RETREG3: variants seen among roughly 807,000 people sequenced by gnomAD.
RETREG3 encodes reticulophagy regulator family member 3, also known as reticulophagy regulator 3.
In RETREG3, 23 loss-of-function variants were observed where a neutral mutation model predicts 50.2. The observed-to-expected ratio is 0.46, with a 90% confidence interval of 0.33 to 0.65. The LOEUF is 0.65. RETREG3 is among the 30% of genes least tolerant of loss of function. The probability of loss-of-function intolerance (pLI) is 0.02; values close to 1 mark genes in which losing one functional copy is unlikely to be tolerated. For missense variants in RETREG3, 546 were observed against 598.0 expected, an observed-to-expected ratio of 0.91 and a Z score of 0.91; for synonymous variants, 240 against 234.4, an observed-to-expected ratio of 1.02 and a Z score of -0.22.
intron 6 of RETREG3, among the ~76,000 whole-genome samples, chr17:42,583,819 T>C (rs1195082989): frequency 3.9e-5 from 6 of 152,138 alleles, no homozygotes; most frequent in Non-Finnish European, 7.4e-5. Flanking sequence ...ATTTCTTTTT[T>C]CTTTTGAGAT....
intron 8 of RETREG3, 86 bp downstream of exon 8, chr17:42,582,588 G>T (rs2093111831): frequency 1.3e-6 from 2 of 1,562,624 alleles, no homozygotes; most frequent in South Asian, 2.4e-5. Flanking sequence ...ACAGGAGAGG[G>T]GCAAGCACCA....
In RETREG3 at chr17:42,586,863, T is replaced by A; in HGVS notation, c.406A>T (p.Ser136Cys). 6.2e-7 allele frequency: 1 copy of A among 1,614,012 alleles called. No homozygotes were observed. Among genetic ancestry groups the A allele is most frequent in the Non-Finnish European group, 8.5e-7 (1 of 1,179,982 alleles). ...SWGFVHPRLL[S>C]VPELCHHVAE... ...ACATGGTGGCAGAGCTCGGGCACGCTGAGCAACCGAGGGTGCACAAAGCCC... is the reference window on the plus strand; with the variant it reads ...ACATGGTGGCAGAGCTCGGGCACGCAGAGCAACCGAGGGTGCACAAAGCCC... Residue 136 changes from serine to cysteine, a missense_variant, in exon 4 of 9, where the codon AGC becomes TGC. Transcript: ENST00000309428.
intron 1 of RETREG3, 115 bp downstream of exon 1, chr17:42,608,971 G>C: frequency 9.3e-7 from 1 of 1,080,970 alleles, no homozygotes; most frequent in East Asian, 2.6e-5. Flanking sequence ...GCAAAATTAG[G>C]CAAGTACAGG....
At chr17:42,604,694 C>CAAAAAAA (rs1007735904) in intron 1 of RETREG3, among the ~76,000 whole-genome samples, 7 of 44,514 alleles carry the variant, frequency 1.6e-4, no homozygotes, top group African/African-American at 4.2e-4. Flanking sequence ...GATTCCCCAG[C>CAAAAAAA]AAAAAAAAAA....
intron 1 of RETREG3, 47 bp downstream of exon 1, chr17:42,609,039 C>G (rs779003595): frequency 1.9e-6 from 3 of 1,573,470 alleles, no homozygotes; most frequent in Non-Finnish European, 2.6e-6. Context: ...CTAGAGGAAC[C>G]AACGAATTCG....
At chr17:42,595,693 GTC>G (rs1295371955) in intron 1 of RETREG3, among the ~76,000 whole-genome samples, 1 of 131,296 alleles carries the variant, frequency 7.6e-6, no homozygotes, top group Non-Finnish European at 1.6e-5. Flanking sequence ...TTGAGACGGA[GTC>G]TCTCTCTTGG....
chr17:42,607,300 A>C (rs529854867), intron 1 of RETREG3, among the ~76,000 whole-genome samples: 1 of 151,370 alleles, frequency 6.6e-6, no homozygotes, highest in African/African-American at 2.4e-5. Flanking sequence ...GGAGTTCGAG[A>C]CCAGCCTGGG....
In RETREG3 at chr17:42,599,433, T is replaced by A. The variant is rs1385650523; in HGVS notation, c.240-7271A>T. On this transcript the variant is annotated intron_variant, in intron 1 of 8. Transcript: ENST00000309428. ...ACTTTGGGAGCCTTAGGTGGGTGGATAACCTGAGATCGGGAGTTTGAGACC... is the reference window on the plus strand; with the variant it reads ...ACTTTGGGAGCCTTAGGTGGGTGGAAAACCTGAGATCGGGAGTTTGAGACC... 2.6e-5 allele frequency among the ~76,000 whole-genome samples: 4 copies of A among 152,056 alleles called. No homozygotes were observed. The South Asian group carries it at 8.3e-4, about 31-fold the overall frequency.
chr17:42,581,720 A>G lies in RETREG3; in HGVS notation c.*93T>C. 8.7e-7 allele frequency: 1 copy of G among 1,150,394 alleles called. No individual in the cohort carries two copies. The highest frequency in any genetic ancestry group is 1.2e-6 in the Non-Finnish European group (1 of 830,990). The allele number at this position is 1,150,394 out of a possible 1,614,324, so 71.3% of individuals were successfully genotyped here. A position where few individuals can be genotyped will look rare whatever the true frequency, so the allele number is the denominator to read the frequency against. ...CCAGCATACAAATATAATTCAGGGGAGGGGAGCTGAGTTCTTCCCTTGCCC... is the reference window on the plus strand; with the variant it reads ...CCAGCATACAAATATAATTCAGGGGGGGGGAGCTGAGTTCTTCCCTTGCCC... On this transcript the variant is annotated 3_prime_UTR_variant, in exon 9 of 9. Coordinates refer to ENST00000309428, the MANE Select transcript of RETREG3 (RefSeq NM_178126.4).
At chr17:42,601,001 C>T (rs1597741823) in intron 1 of RETREG3, among the ~76,000 whole-genome samples, 1 of 152,152 alleles carries the variant, frequency 6.6e-6, no homozygotes, top group South Asian at 2.1e-4. Context: ...ATGGGCCAGG[C>T]GCAGTGGCTC....
chr17:42,586,252 G>A, intron 4 of RETREG3, 115 bp from the exon 5 acceptor site: 1 of 906,782 alleles, frequency 1.1e-6, no homozygotes, highest in Non-Finnish European at 1.8e-6. Flanking sequence ...GCATGGACGT[G>A]CAGCCACTGT....
chr17:42,603,753 G>A (rs868459180), intron 1 of RETREG3, among the ~76,000 whole-genome samples: 38 of 152,276 alleles, frequency 2.5e-4, no homozygotes, highest in Admixed American at 2.4e-3. Context: ...CGAGGCGGGC[G>A]GATCACGAGG....
chr17:42,584,081 T>C (rs2093116119), intron 6 of RETREG3, among the ~76,000 whole-genome samples: 1 of 152,206 alleles, frequency 6.6e-6, no homozygotes, highest in Non-Finnish European at 1.5e-5. Context: ...GTGCTGGGAT[T>C]ACAAGTGTGA....
intron 2 of RETREG3, among the ~76,000 whole-genome samples, 154 bp downstream of exon 2, chr17:42,591,902 C>A (rs188623416): frequency 8.5e-5 from 13 of 152,298 alleles, no homozygotes; most frequent in African/African-American, 3.1e-4. Context: ...AATTGGGGCA[C>A]AAGCCCTTCA....
Position 42,587,865 on chromosome 17 carries a change from C to T in RETREG3, c.347-1G>A. On this transcript the variant is annotated splice_acceptor_variant, in intron 2 of 8. Coordinates refer to ENST00000309428, the MANE Select transcript of RETREG3 (RefSeq NM_178126.4). LOFTEE classifies it high-confidence loss of function. ...TTGTCTAATGCGTCGGGTCTTGGCA[C>T]TACAATATTAAAACAAACACCAGCA... The T allele has an allele frequency of 1.2e-6, 2 of 1,614,068 alleles. No individual in the cohort carries two copies. Among genetic ancestry groups the T allele is most frequent in the Non-Finnish European group, 1.7e-6 (2 of 1,179,988 alleles).
chr17:42,609,113 C>G lies in RETREG3; in HGVS notation c.212G>C (p.Trp71Ser). The G allele has an allele frequency of 1.2e-6, 2 of 1,608,250 alleles. No individual in the cohort carries two copies. The highest frequency in any genetic ancestry group is 2.2e-5 in the South Asian group (2 of 91,018). Residue 71 changes from tryptophan (W) to serine (S), a missense_variant, in exon 1 of 9, where the codon TGG (tryptophan) becomes TCG (serine). Trp to Ser is a radical substitution (Grantham distance 177). Coordinates refer to ENST00000309428, the MANE Select transcript of RETREG3 (RefSeq NM_178126.4). ...GAAAGCCGCGTTCAGCCCCAGGCAC[C>G]ACAGAGCGCTCCTAGCTGGCCGCTC... The part of the protein sequence containing the change: ...VWERPARSAL[W>S]CLGLNAAFWF...
In RETREG3 at chr17:42,596,971, C is replaced by G. The variant is rs967784670; in HGVS notation, c.240-4809G>C. 3.3e-5 allele frequency among the ~76,000 whole-genome samples: 5 copies of G among 150,734 alleles called. No individual in the cohort carries two copies. The East Asian group carries it at 9.8e-4, about 29-fold the overall frequency. ...CACTGCAACCTCTGCCTCCTGGGTT[C>G]AAGCAATTCTCCTGTCCTAGTCTCC... On this transcript the variant is annotated intron_variant, in intron 1 of 8. Transcript: ENST00000309428.
rs138964201 is a variant in RETREG3, at chr17:42,584,537, C to T, written c.727+588G>A. ...GAAAGGATCTGCTCTGGGCTCAGCACGGTGGCTCACACCTGTAATCCCAAC... is the reference window on the plus strand; with the variant it reads ...GAAAGGATCTGCTCTGGGCTCAGCATGGTGGCTCACACCTGTAATCCCAAC... On this transcript the variant is annotated intron_variant, in intron 6 of 8. Transcript: ENST00000309428. Among the ~76,000 whole-genome samples the T allele has an allele frequency of 5.3e-5, 8 of 152,168 alleles. No individual in the cohort carries two copies. In the East Asian group the frequency reaches 7.7e-4, roughly 15 times the overall value.
chr17:42,600,323 A>T (rs2093156236), intron 1 of RETREG3, among the ~76,000 whole-genome samples: 1 of 152,112 alleles, frequency 6.6e-6, no homozygotes, highest in Non-Finnish European at 1.5e-5. Context: ...TTGAGGTTGC[A>T]GTGAGCTCTG....
Sources: allele counts gnomAD v4.1 joint callset (sites outside exome capture counted in the v4.1 genomes callset), GRCh38; gene constraint gnomAD v4.1.1; transcripts MANE v1.5; gene names NCBI Gene and HGNC (gene_info 2026-07-23, HGNC 2026-07-21).